RBM10: variants seen among roughly 807,000 people sequenced by gnomAD.
RBM10 encodes RNA-binding protein 10.
Under a neutral mutation model 84.9 loss-of-function variants are expected in RBM10, and 1 was observed. The ratio of observed to expected loss-of-function variants is 0.01; its 90% CI spans 0.00 to 0.06. The LOEUF (loss-of-function observed/expected upper bound fraction) is 0.06. RBM10 is among the 10% of genes least tolerant of loss of function. RBM10 has a pLI of 1.00. For synonymous variants in RBM10, 326 were observed against 344.5 expected (o/e 0.95, Z 0.60); for missense variants, 438 against 839.0 (o/e 0.52, Z 5.90).
rs1935810876 is a variant in RBM10, at chrX:47,185,142, C to T, written c.2038C>T (p.Arg680Ter). 1 of 1,212,052 alleles carries T rather than the reference C, an allele frequency of 8.3e-7. No homozygotes were observed. ...KNSFQPISSLRDDERRESATA... is the reference protein window; with the variant it reads ...KNSFQPISSL ...TAGCTTCCAGCCTATCAGCTCCCTG[C>T]GAGATGACGAGAGGCGGGAGTCAGC... is the stretch of plus-strand genomic sequence containing the variant. The change falls in exon 18 of 24, where the codon CGA (arginine) becomes TGA (stop). Residue 680 changes from arginine to a stop codon, truncating the protein, a stop_gained. Transcript: ENST00000377604. LOFTEE classifies it high-confidence loss of function.
At chrX:47,147,173 G>A (rs1157087942) in intron 1 of RBM10, among the ~76,000 whole-genome samples, 184 bp from the exon 2 acceptor site, 2 of 111,723 alleles carry the variant, frequency 1.8e-5, no homozygotes, top group African/African-American at 6.5e-5. Context: ...TTATGTTTGC[G>A]GGGAAAGGGA....
In RBM10 at chrX:47,175,915, T is replaced by G. The variant is rs1298638140; in HGVS notation, c.577-585T>G. 4.5e-5 allele frequency among the ~76,000 whole-genome samples: 5 copies of G among 110,992 alleles called. No homozygotes were observed. In the East Asian group the frequency reaches 1.4e-3, roughly 32 times the overall value. On this transcript the variant is annotated intron_variant, in intron 6 of 23. Transcript: ENST00000377604. The stretch of plus-strand genomic sequence containing the variant: ...GTTTCAGGGGAGGAAGGGGCAGAGG[T>G]GGTAGAATGGGGGATCCCGGCAGAG...
intron 2 of RBM10, among the ~76,000 whole-genome samples, chrX:47,151,883 A>G (rs782167234): frequency 4.1e-4 from 46 of 112,713 alleles, no homozygotes; most frequent in African/African-American, 1.4e-3. Context: ...ATAAATAAGT[A>G]TTGAACTTCA....
At chrX:47,152,591 C>T (rs782529968) in intron 2 of RBM10, among the ~76,000 whole-genome samples, 4 of 105,806 alleles carry the variant, frequency 3.8e-5, no homozygotes, top group Non-Finnish European at 5.8e-5. Context: ...GGATTACACG[C>T]GCCTGCCAGT....
At position 47,145,430 on chromosome X, in the gene RBM10, G is replaced by A; in HGVS notation, c.-181G>A. On this transcript the variant is annotated 5_prime_UTR_variant, in exon 1 of 24. Transcript: ENST00000377604. ...CTGAGCTGGGAGAGTTGGAGGAGGT[G>A]GCGGCGGGCAGAGGTGATGTCTGGG... The A allele has an allele frequency of 1.7e-6, 2 of 1,154,501 alleles. No homozygotes were observed. Among genetic ancestry groups the A allele is most frequent in the Non-Finnish European group, 2.3e-6 (2 of 871,919 alleles).
At chrX:47,154,422 AT>A (rs201720720) in intron 2 of RBM10, among the ~76,000 whole-genome samples, 9 of 30,627 alleles carry the variant, frequency 2.9e-4, no homozygotes, top group Admixed American at 5.3e-4. Context: ...TCAGTTCTTG[AT>A]TTTTTTTCCT....
In RBM10 at chrX:47,176,604, A is replaced by C. The variant is rs782402493; in HGVS notation, c.663+18A>C. The C allele has an allele frequency of 2.5e-6, 3 of 1,210,020 alleles. No individual in the cohort carries two copies. The Admixed American group carries it at 6.5e-5, about 26-fold the overall frequency. Reference sequence around the variant, plus strand: ...GCAATAAGGTACAGGGGCGGTGGGCAGCAGTTGTCATGGACAGAGACAGCA... The same window carrying C: ...GCAATAAGGTACAGGGGCGGTGGGCCGCAGTTGTCATGGACAGAGACAGCA... On this transcript the variant is annotated intron_variant, in intron 7 of 23. Coordinates refer to ENST00000377604, the MANE Select transcript of RBM10 (RefSeq NM_005676.5).
Position 47,179,855 on chromosome X carries a change from T to G in RBM10, c.902-25T>G. On this transcript the variant is annotated intron_variant, in intron 9 of 23. Transcript: ENST00000377604. ...GCTGGCAAGAGTGCCAGGGGTGTCC[T>G]CTAACATTGGGCCCCTTCCCACAGC... 3 of 1,193,467 alleles carry G rather than the reference T, an allele frequency of 2.5e-6. No homozygotes were observed. In the South Asian group the frequency reaches 5.5e-5, roughly 22 times the overall value.
intron 2 of RBM10, among the ~76,000 whole-genome samples, chrX:47,159,465 A>G (rs1359048212): frequency 9.0e-6 from 1 of 110,863 alleles, no homozygotes; most frequent in Non-Finnish European, 1.9e-5. Flanking sequence ...GATAGAATAA[A>G]TTATTTTCCT....
At chrX:47,153,251 A>G (rs782541507) in intron 2 of RBM10, among the ~76,000 whole-genome samples, 3 of 112,097 alleles carry the variant, frequency 2.7e-5, no homozygotes, top group South Asian at 7.4e-4. Context: ...ACAATTATAT[A>G]GTACTTTTAT....
chrX:47,185,520 C>T lies in RBM10; in HGVS notation c.2245C>T (p.Arg749Trp). 1.7e-6 allele frequency: 2 copies of T among 1,180,469 alleles called. No homozygotes were observed. The highest frequency in any genetic ancestry group is 1.9e-5 in the South Asian group (1 of 53,658). Residue 749 changes from arginine to tryptophan, a missense_variant, in exon 20 of 24, where the codon CGG (arginine) becomes TGG (tryptophan). By Grantham distance (101) the Arg-to-Trp change is moderately radical (BLOSUM62 -3). This residue lies in a region of RBM10 where 92 missense variants were observed against 199.9 expected (regional missense o/e 0.46). Transcript: ENST00000377604. ...EEEQERGGPEREEKLTDWQKL... is the reference protein window; with the variant it reads ...EEEQERGGPEWEEKLTDWQKL... ...GGAGCAGGAGCGTGGGGGCCCTGAG[C>T]GGGAGGAGAAGCTCACCGACTGGCA... is the stretch of plus-strand genomic sequence containing the variant.
chrX:47,160,673 G>T lies in RBM10; in HGVS notation c.18-8642G>T, dbSNP rs185902565. Reference sequence around the variant, plus strand: ...GGAATGCAAACTAGTTTGGTCATGGGAGAAAGCAGTTTCGAGATTTTTTTT... The same window carrying T: ...GGAATGCAAACTAGTTTGGTCATGGTAGAAAGCAGTTTCGAGATTTTTTTT... On this transcript the variant is annotated intron_variant, in intron 2 of 23. Transcript: ENST00000377604. Among the ~76,000 whole-genome samples, 13 of 111,629 alleles carry T rather than the reference G, an allele frequency of 1.2e-4. No individual in the cohort carries two copies. The East Asian group carries it at 3.6e-3, about 31-fold the overall frequency.
At chrX:47,146,652 C>T (rs1271174058) in intron 1 of RBM10, among the ~76,000 whole-genome samples, 2 of 110,623 alleles carry the variant, frequency 1.8e-5, no homozygotes, top group Non-Finnish European at 3.8e-5. Context: ...TCCAAAAGGG[C>T]CCCTTTTGCC....
chrX:47,181,802 C>G lies in RBM10; in HGVS notation c.1629C>G (p.Thr543=), dbSNP rs2147192508. Residue 543 remains threonine, a synonymous_variant, in exon 15 of 24, where the codon ACC becomes ACG. Coordinates refer to ENST00000377604, the MANE Select transcript of RBM10 (RefSeq NM_005676.5). Reference sequence around the variant, plus strand: ...TCAAATCTGAGCTCCAGAGCCCTACCCATCCTAGTTCTGCTCTCCCACCGG... The same window carrying G: ...TCAAATCTGAGCTCCAGAGCCCTACGCATCCTAGTTCTGCTCTCCCACCGG... ...AVLKSELQSP[T]HPSSALPPAT... 8.3e-7 allele frequency: 1 copy of G among 1,211,597 alleles called. No homozygotes were observed. Among genetic ancestry groups the G allele is most frequent in the Non-Finnish European group, 1.1e-6 (1 of 895,492 alleles).
At position 47,186,390 on chromosome X, in the gene RBM10, G is replaced by T; in HGVS notation, c.2667+3G>T. ...AGGGCATTGTAACGCCTATCGAGGT[G>T]AGTCTCAGGCAGTCCTGTCCCATCC... On this transcript the variant is annotated splice_donor_region_variant and intron_variant, in intron 23 of 23. Coordinates refer to ENST00000377604, the MANE Select transcript of RBM10 (RefSeq NM_005676.5). 8.4e-7 allele frequency: 1 copy of T among 1,194,813 alleles called. No individual in the cohort carries two copies. Among genetic ancestry groups the T allele is most frequent in the Non-Finnish European group, 1.1e-6 (1 of 886,548 alleles).
intron 5 of RBM10, 22 bp downstream of exon 5, chrX:47,173,219 C>T: frequency 8.3e-7 from 1 of 1,210,591 alleles, no homozygotes; most frequent in Non-Finnish European, 1.1e-6. Flanking sequence ...TTCTAGTGCC[C>T]TCCCCTTCAA....
At chrX:47,151,196 G>A (rs1294434584) in intron 2 of RBM10, among the ~76,000 whole-genome samples, 4 of 109,913 alleles carry the variant, frequency 3.6e-5, no homozygotes, top group African/African-American at 1.3e-4. Context: ...GCACCACCAC[G>A]CCCAGCTAAT....
chrX:47,166,472 T>TC (rs782313421), intron 2 of RBM10, among the ~76,000 whole-genome samples: 4 of 104,466 alleles, frequency 3.8e-5, no homozygotes, highest in Admixed American at 1.0e-4. Context: ...TCTCTCTCTC[T>TC]TTTTTTTTTT....
chrX:47,147,836 C>G (rs1040274612), intron 2 of RBM10, among the ~76,000 whole-genome samples: 1 of 110,880 alleles, frequency 9.0e-6, no homozygotes, highest in Non-Finnish European at 1.9e-5. Context: ...AGGATTTGCC[C>G]GGGACCACTA....
Sources: allele counts gnomAD v4.1 joint callset (sites outside exome capture counted in the v4.1 genomes callset), GRCh38; gene constraint gnomAD v4.1.1; regional missense constraint gnomAD v4.1.1; transcripts MANE v1.5; gene names NCBI Gene and HGNC (gene_info 2026-07-23, HGNC 2026-07-21).